CDH10: variants seen among roughly 807,000 people sequenced by gnomAD.
CDH10 encodes the protein cadherin-10.
A neutral mutation model predicts 73.1 loss-of-function variants in CDH10; 30 were observed. That is an observed-to-expected ratio of 0.41 (90% CI 0.31 to 0.56). The LOEUF (loss-of-function observed/expected upper bound fraction) is 0.56. Ranked by LOEUF, CDH10 falls within the 20% of genes least tolerant of loss-of-function variation. The probability of loss-of-function intolerance (pLI) is 0.27; values close to 1 mark genes in which losing one functional copy is unlikely to be tolerated. For missense variants in CDH10, 815 were observed against 973.7 expected (o/e 0.84, Z 2.17); for synonymous variants, 345 against 348.2 (o/e 0.99, Z 0.10).
chr5:24,546,181 T>TTGTGTGTG (rs139727777), intron 2 of CDH10, among the ~76,000 whole-genome samples: 135 of 149,700 alleles, frequency 9.0e-4, no homozygotes, highest in African/African-American at 3.2e-3. Flanking sequence ...TTGAAAAAAC[T>TTGTGTGTG]TGTGTGTGTG....
At chr5:24,548,230 C>T (rs1219932694) in intron 2 of CDH10, among the ~76,000 whole-genome samples, 6 of 151,944 alleles carry the variant, frequency 3.9e-5, no homozygotes, top group Non-Finnish European at 5.9e-5. Flanking sequence ...CAGCTTCAAG[C>T]GATTCTCCTG....
chr5:24,570,394 A>G lies in CDH10; in HGVS notation c.231+22866T>C, dbSNP rs192271911. The stretch of plus-strand genomic sequence containing the variant: ...CTTCACAGAGATGCCTAGTTCCGTT[A>G]GTGTCGGATAGAAGTGGAAGGTAAG... On this transcript the variant is annotated intron_variant, in intron 2 of 11. Coordinates refer to ENST00000264463, the MANE Select transcript of CDH10 (RefSeq NM_006727.5). 8.8e-4 allele frequency among the ~76,000 whole-genome samples: 134 copies of G among 152,136 alleles called. 3 individuals are homozygous for G. Among genetic ancestry groups the G allele is most frequent in the African/African-American group, 3.1e-3 (129 of 41,464 alleles).
rs143196281 is a variant in CDH10, at chr5:24,554,119, G to GAGAGAGAGAGAGA, written c.232-16446_232-16445insTCTCTCTCTCTCT. The GAGAGAGAGAGAGA allele has an allele frequency of 1.3e-4, 5 of 39,782 alleles. 1 individual carries two copies. Among genetic ancestry groups the GAGAGAGAGAGAGA allele is most frequent in the South Asian group, 1.1e-3 (1 of 910 alleles). 2.5% of individuals were successfully genotyped at this position (39,782 alleles called of 1,614,324 possible). A position where few individuals can be genotyped will look rare whatever the true frequency, so the allele number is the denominator to read the frequency against. ...AGAGAAGGGGAGGTGGGCGGGGGGG[G>GAGAGAGAGAGAGA]GAGAGAGAGAGACATTCAATCAGCC... On this transcript the variant is annotated intron_variant, in intron 2 of 11. Coordinates refer to ENST00000264463, the MANE Select transcript of CDH10 (RefSeq NM_006727.5).
chr5:24,589,087 G>C (rs1474461428), intron 2 of CDH10, among the ~76,000 whole-genome samples: 1 of 152,230 alleles, frequency 6.6e-6, no homozygotes, highest in Middle Eastern at 3.4e-3. Context: ...TTTGAGCAGA[G>C]AGCTTATATT....
Position 24,505,220 on chromosome 5 carries a change from C to A in CDH10, c.1285G>T (p.Asp429Tyr), listed in dbSNP as rs2111727462. The A allele has an allele frequency of 3.1e-6, 5 of 1,612,970 alleles. No individual in the cohort carries two copies. Among genetic ancestry groups the A allele is most frequent in the Non-Finnish European group, 4.2e-6 (5 of 1,179,244 alleles). ...RFSLDRHTDL[D>Y]RIFNIHSGNG... ...CCTGAATGAATGTTAAAGATTCTGT[C>A]AAGGTCAGTATGGCGATCCAAGGAA... Residue 429 changes from aspartate (D) to tyrosine (Y), a missense_variant, in exon 8 of 12, where the codon GAC becomes TAC. Transcript: ENST00000264463.
intron 2 of CDH10, among the ~76,000 whole-genome samples, chr5:24,587,874 T>C (rs1396713334): frequency 6.6e-6 from 1 of 152,170 alleles, no homozygotes; most frequent in Admixed American, 6.5e-5. Flanking sequence ...TGAAGATGTA[T>C]TTTCCCTACA....
chr5:24,590,730 G>A (rs529146368), intron 2 of CDH10, among the ~76,000 whole-genome samples: 2 of 152,108 alleles, frequency 1.3e-5, no homozygotes, highest in African/African-American at 4.8e-5. Flanking sequence ...GCTCCACACA[G>A]GTGCTTTTTA....
At chr5:24,530,684 G>A (rs900793363) in intron 5 of CDH10, among the ~76,000 whole-genome samples, 2 of 152,078 alleles carry the variant, frequency 1.3e-5, no homozygotes, top group South Asian at 4.1e-4. Context: ...TGAAGTAAGT[G>A]CATTTATTTC....
At chr5:24,604,788 G>A (rs1328145503) in intron 1 of CDH10, among the ~76,000 whole-genome samples, 8 of 148,508 alleles carry the variant, frequency 5.4e-5, no homozygotes, top group East Asian at 2.1e-4. Context: ...CAGAAGAATC[G>A]TTTGAAGCCG....
chr5:24,574,447 T>A (rs547991055), intron 2 of CDH10, among the ~76,000 whole-genome samples: 8 of 152,178 alleles, frequency 5.3e-5, no homozygotes, highest in African/African-American at 1.9e-4. Context: ...CCAAAATAGA[T>A]GAAAGTGTAG....
rs545523738 is a variant in CDH10, at chr5:24,549,435, C to A, written c.232-11761G>T. On this transcript the variant is annotated intron_variant, in intron 2 of 11. Coordinates refer to ENST00000264463, the MANE Select transcript of CDH10 (RefSeq NM_006727.5). ...TACTCAAAATTTTAAATACTCAGGA[C>A]ATAGAGAAAACTATGAAAGTACCTA... Among the ~76,000 whole-genome samples the A allele has an allele frequency of 2.6e-5, 4 of 151,492 alleles. No individual in the cohort carries two copies. In the East Asian group the frequency reaches 7.8e-4, roughly 29 times the overall value.
intron 2 of CDH10, among the ~76,000 whole-genome samples, chr5:24,580,346 A>G (rs979353869): frequency 6.6e-6 from 1 of 152,106 alleles, no homozygotes; most frequent in African/African-American, 2.4e-5. Flanking sequence ...TTAGATGGCA[A>G]AGTTATATTA....
intron 1 of CDH10, among the ~76,000 whole-genome samples, chr5:24,606,045 C>A (rs993464211): frequency 2.0e-5 from 3 of 152,056 alleles, no homozygotes; most frequent in East Asian, 1.9e-4. Context: ...CAAGAGAGAT[C>A]GGTGATGGTT....
intron 2 of CDH10, among the ~76,000 whole-genome samples, chr5:24,567,997 C>G (rs1252283968): frequency 6.6e-6 from 1 of 151,926 alleles, no homozygotes. Flanking sequence ...ATGATCAAAA[C>G]AGGAATGCAA....
At chr5:24,616,113 T>G (rs781575479) in intron 1 of CDH10, among the ~76,000 whole-genome samples, 8 of 150,678 alleles carry the variant, frequency 5.3e-5, no homozygotes, top group African/African-American at 1.7e-4. Flanking sequence ...AATTTAGTTC[T>G]TTCAGAAAGT....
At chr5:24,495,400 G>A (rs560729952) in intron 9 of CDH10, among the ~76,000 whole-genome samples, 4 of 152,276 alleles carry the variant, frequency 2.6e-5, no homozygotes, top group South Asian at 2.1e-4. Flanking sequence ...CTTGAGGAAT[G>A]TTTCAGTGTT....
intron 11 of CDH10, among the ~76,000 whole-genome samples, chr5:24,488,891 G>A (rs998661518): frequency 6.7e-6 from 1 of 149,442 alleles, no homozygotes; most frequent in African/African-American, 2.5e-5. Flanking sequence ...TATGAATCTT[G>A]GCTAGATTCA....
chr5:24,511,345 G>A lies in CDH10; in HGVS notation c.984C>T (p.Gly328=), dbSNP rs1278567091. The change falls in exon 6 of 12, where the codon GGC becomes GGT. Residue 328 remains glycine (G), a synonymous_variant. Coordinates refer to ENST00000264463, the MANE Select transcript of CDH10 (RefSeq NM_006727.5). ...DIVTEKDTQE[G]IITVKKPLDY... is the part of the protein sequence containing the mutation. ...TGTGCACCTTTTTCACAGTGATGATGCCTTCCTGTGTGTCCTTCTCAGTCA... is the reference window on the plus strand; with the variant it reads ...TGTGCACCTTTTTCACAGTGATGATACCTTCCTGTGTGTCCTTCTCAGTCA... The A allele has an allele frequency of 6.2e-7, 1 of 1,608,356 alleles. No homozygotes were observed. Among genetic ancestry groups the A allele is most frequent in the Non-Finnish European group, 8.5e-7 (1 of 1,175,224 alleles).
chr5:24,577,859 T>A (rs758844953), intron 2 of CDH10, among the ~76,000 whole-genome samples: 8 of 152,304 alleles, frequency 5.3e-5, no homozygotes, highest in Admixed American at 2.0e-4. Flanking sequence ...ACTGAAATCT[T>A]TGTTCAGTGT....
Sources: gnomAD v4.1 joint callset for allele counts (sites outside exome capture counted in the v4.1 genomes callset) on GRCh38, gnomAD v4.1.1 for gene constraint, MANE v1.5 for transcripts, NCBI Gene and HGNC (gene_info 2026-07-23, HGNC 2026-07-21) for gene names.